NRG3: variants seen among roughly 807,000 people sequenced by gnomAD.
NRG3 encodes neuregulin 3, also known as pro-neuregulin-3, membrane-bound isoform.
Under a neutral mutation model 66.9 loss-of-function variants are expected in NRG3, and 31 were observed. The observed-to-expected ratio is 0.46, with a 90% confidence interval of 0.35 to 0.63. The LOEUF (loss-of-function observed/expected upper bound fraction) is 0.63, where lower values mean the gene tolerates loss of function less well. Ranked by LOEUF, NRG3 falls within the 20% of genes least tolerant of loss-of-function variation. NRG3 has a pLI of 0.00. For synonymous variants in NRG3, 393 were observed against 359.4 expected, an observed-to-expected ratio of 1.09 and a Z score of -1.06; for missense variants, 910 against 878.9, an observed-to-expected ratio of 1.04 and a Z score of -0.45.
At chr10:81,883,596 G>T (rs1842369318) in intron 1 of NRG3, among the ~76,000 whole-genome samples, 1 of 152,164 alleles carries the variant, frequency 6.6e-6, no homozygotes, top group African/African-American at 2.4e-5. Flanking sequence ...GAAAAGGTCA[G>T]CTGAATCCAT....
chr10:82,000,614 G>A (rs1245156480), intron 1 of NRG3, among the ~76,000 whole-genome samples: 2 of 152,106 alleles, frequency 1.3e-5, no homozygotes, highest in African/African-American at 4.8e-5. Flanking sequence ...CTTATGTAAG[G>A]CCACTGCCTG....
rs533865427 is a variant in NRG3 at position 81,880,265 on chromosome 10, G to A, written c.823+4102G>A. 6.6e-5 allele frequency among the ~76,000 whole-genome samples: 10 copies of A among 152,144 alleles called. No homozygotes were observed. In the South Asian group the frequency reaches 1.9e-3, roughly 29 times the overall value. The stretch of plus-strand genomic sequence containing the variant: ...TGGTCTCCGTGCATTAAGACAATGC[G>A]GTTTAAGCATTCCTCCCCAGTTCTT... On this transcript the variant is annotated intron_variant, in intron 1 of 8. Transcript: ENST00000372141.
rs76523279 is a variant in NRG3, at chr10:82,352,236, T to A, written c.824-6503T>A. ...ACATACAGACACATACACAGATATA[T>A]AACATGTTTGTATCTTCCAGAAGCA... On this transcript the variant is annotated intron_variant, in intron 1 of 8. Transcript: ENST00000372141. 1.5e-3 allele frequency among the ~76,000 whole-genome samples: 233 copies of A among 152,282 alleles called. 5 individuals carry two copies. The East Asian group carries it at 0.041, about 27-fold the overall frequency.
chr10:81,951,006 G>A (rs1313268104), intron 1 of NRG3, among the ~76,000 whole-genome samples: 1 of 152,064 alleles, frequency 6.6e-6, no homozygotes, highest in Admixed American at 6.6e-5. Context: ...TAATTAGGGT[G>A]GACACAAAAC....
chr10:82,211,691 A>G (rs1056930453), intron 1 of NRG3, among the ~76,000 whole-genome samples: 5 of 152,160 alleles, frequency 3.3e-5, no homozygotes, highest in Non-Finnish European at 5.9e-5. Context: ...GACTATTTGG[A>G]AATTATAGTT....
chr10:82,784,074 C>G (rs1180030626), intron 3 of NRG3, among the ~76,000 whole-genome samples: 7 of 152,034 alleles, frequency 4.6e-5, no homozygotes, highest in Non-Finnish European at 8.8e-5. Context: ...ACGATCTGAT[C>G]TTTGACAAAC....
intron 1 of NRG3, among the ~76,000 whole-genome samples, chr10:81,989,411 T>C (rs563122625): frequency 2.4e-4 from 36 of 152,020 alleles, no homozygotes; most frequent in Non-Finnish European, 4.6e-4. Context: ...TTAAAGTACA[T>C]TGACATTAAG....
rs549240311 is a variant in NRG3, at chr10:82,581,165, TGC to T, written c.954-157411_954-157410del. Among the ~76,000 whole-genome samples the T allele has an allele frequency of 2.5e-3, 382 of 152,140 alleles. 1 individual carries two copies. Among genetic ancestry groups the T allele is most frequent in the African/African-American group, 8.9e-3 (371 of 41,558 alleles). ...ATAAGTGTATAGTGGTATCTCATTTTGCAATTCACTAATGACATGTGATGTTG... is the reference window on the plus strand; with the variant it reads ...ATAAGTGTATAGTGGTATCTCATTTTAATTCACTAATGACATGTGATGTTG... On this transcript the variant is annotated intron_variant, in intron 2 of 8. Coordinates refer to ENST00000372141, the MANE Select transcript of NRG3 (RefSeq NM_001010848.4).
chr10:82,803,278 G>A (rs112305072), intron 3 of NRG3, among the ~76,000 whole-genome samples: 3,270 of 152,134 alleles, frequency 0.021, 43 homozygotes, highest in Middle Eastern at 0.048. Flanking sequence ...TGTGAGAGTC[G>A]GTTTAGAAGT....
chr10:82,641,510 C>T (rs2050578638), intron 2 of NRG3, among the ~76,000 whole-genome samples: 1 of 152,060 alleles, frequency 6.6e-6, no homozygotes, highest in Non-Finnish European at 1.5e-5. Flanking sequence ...AGACAAATGG[C>T]TAATCCTAGG....
chr10:82,900,726 C>A (rs1017448169), intron 4 of NRG3, among the ~76,000 whole-genome samples: 1 of 152,114 alleles, frequency 6.6e-6, no homozygotes, highest in Admixed American at 6.5e-5. Context: ...CCCAGACACA[C>A]TATACAATTT....
intron 1 of NRG3, among the ~76,000 whole-genome samples, chr10:82,345,354 G>C (rs1048141466): frequency 6.7e-6 from 1 of 149,970 alleles, no homozygotes; most frequent in Non-Finnish European, 1.5e-5. Context: ...TGTCAGGTTT[G>C]TCAAAGATCA....
intron 1 of NRG3, among the ~76,000 whole-genome samples, chr10:82,180,629 G>A (rs918585377): frequency 7.9e-5 from 12 of 151,800 alleles, no homozygotes; most frequent in African/African-American, 2.9e-4. Flanking sequence ...TTAGTGCGCT[G>A]TTGAATTTGA....
chr10:82,619,749 G>A (rs911180205), intron 2 of NRG3, among the ~76,000 whole-genome samples: 4 of 152,252 alleles, frequency 2.6e-5, no homozygotes, highest in African/African-American at 9.6e-5. Flanking sequence ...TTTAAGAAGT[G>A]GAGATGAGGA....
At chr10:82,347,020 C>A (rs1438634237) in intron 1 of NRG3, among the ~76,000 whole-genome samples, 1 of 151,898 alleles carries the variant, frequency 6.6e-6, no homozygotes, top group East Asian at 1.9e-4. Context: ...AAAACCAGCT[C>A]CTGGATTCAT....
At chr10:82,920,114 C>T (rs1846278677) in intron 4 of NRG3, among the ~76,000 whole-genome samples, 1 of 152,106 alleles carries the variant, frequency 6.6e-6, no homozygotes, top group Non-Finnish European at 1.5e-5. Context: ...CTTGGACTCA[C>T]CAGACACCTG....
At chr10:82,101,455 T>A (rs2066716457) in intron 1 of NRG3, among the ~76,000 whole-genome samples, 1 of 151,866 alleles carries the variant, frequency 6.6e-6, no homozygotes, top group African/African-American at 2.4e-5. Flanking sequence ...GCTTTCTTAT[T>A]TTCTAATATG....
At chr10:82,493,797 A>G (rs1843373493) in intron 2 of NRG3, among the ~76,000 whole-genome samples, 1 of 152,212 alleles carries the variant, frequency 6.6e-6, no homozygotes, top group Non-Finnish European at 1.5e-5. Context: ...AACTATCATC[A>G]GAGGAAACAG....
chr10:82,571,959 T>G (rs911491233), intron 2 of NRG3, among the ~76,000 whole-genome samples: 2 of 151,744 alleles, frequency 1.3e-5, no homozygotes, highest in Non-Finnish European at 3.0e-5. Flanking sequence ...AGGTAATAAC[T>G]CTTACTTCTC....
Sources: allele counts gnomAD v4.1 joint callset (sites outside exome capture counted in the v4.1 genomes callset), GRCh38; gene constraint gnomAD v4.1.1; transcripts MANE v1.5; gene names NCBI Gene and HGNC (gene_info 2026-07-23, HGNC 2026-07-21).